Variants in PAK3 observed in about 807,000 individuals in gnomAD.
The protein encoded by PAK3 is serine/threonine-protein kinase PAK 3.
PAK3 carries 4 observed loss-of-function variants against 41.0 expected under a neutral mutation model. That is an observed-to-expected ratio of 0.10 (90% CI 0.05 to 0.22). PAK3 has a LOEUF of 0.22. PAK3 is among the 10% of genes least tolerant of loss of function. The pLI, the probability that PAK3 is intolerant of heterozygous loss-of-function variation, is 1.00. For missense variants in PAK3, 205 were observed against 409.9 expected (o/e 0.50, Z 4.32); for synonymous variants, 146 against 139.6 (o/e 1.05, Z -0.32).
At chrX:111,123,303 G>A (rs777520025) in intron 5 of PAK3, 25 bp downstream of exon 5, 223 of 1,125,649 alleles carry the variant, frequency 2.0e-4, no homozygotes, top group Non-Finnish European at 2.4e-4. Flanking sequence ...GCCGGGCATT[G>A]AAAATGGGCT....
chrX:111,035,692 A>G (rs1255979545), intron 1 of PAK3, among the ~76,000 whole-genome samples: 4 of 112,476 alleles, frequency 3.6e-5, no homozygotes, highest in Non-Finnish European at 5.6e-5. Flanking sequence ...CCTCTCATTT[A>G]TTATTCTTAA....
chrX:111,146,690 C>T, intron 6 of PAK3: 1 of 399,344 alleles, frequency 2.5e-6, no homozygotes, highest in Non-Finnish European at 4.3e-6. Context: ...TTTTTGTTGT[C>T]ATTCCCAAAC....
intron 1 of PAK3, among the ~76,000 whole-genome samples, chrX:110,953,951 C>T (rs1230436303): frequency 8.9e-6 from 1 of 112,109 alleles, no homozygotes; most frequent in African/African-American, 3.2e-5. Flanking sequence ...CCAAGCTTTC[C>T]TTTGAATCCT....
At chrX:111,028,583 C>G (rs184785704) in intron 1 of PAK3, among the ~76,000 whole-genome samples, 1 of 111,064 alleles carries the variant, frequency 9.0e-6, no homozygotes, top group Non-Finnish European at 1.9e-5. Flanking sequence ...AAAATTGAAG[C>G]CTGTTTTGTG....
rs763217406 is a variant in PAK3 at position 110,966,624 on chromosome X, T to C, written c.-28+21996T>C. On this transcript the variant is annotated intron_variant, in intron 1 of 14. Coordinates refer to the PAK3 transcript ENST00000425146. The stretch of plus-strand genomic sequence containing the variant: ...GACTGCAGTTTTAGAAGAATGTTTA[T>C]TGAAAAGGGAATATGTCCATAATAT... 5.4e-5 allele frequency among the ~76,000 whole-genome samples: 6 copies of C among 111,286 alleles called. No individual in the cohort carries two copies. The South Asian group carries it at 1.1e-3, about 21-fold the overall frequency.
intron 13 of PAK3, 56 bp from the exon 14 acceptor site, chrX:111,194,245 A>C: frequency 1.5e-6 from 1 of 688,928 alleles, no homozygotes; most frequent in Non-Finnish European, 2.4e-6. Context: ...TGGGAATATC[A>C]GAGTCCCCAG....
intron 1 of PAK3, among the ~76,000 whole-genome samples, chrX:110,975,655 A>G (rs961765335): frequency 8.9e-6 from 1 of 111,934 alleles, no homozygotes; most frequent in African/African-American, 3.3e-5. Context: ...TTGCCAACAC[A>G]ATTCTAGGCA....
At chrX:110,974,220 G>A (rs900132379) in intron 1 of PAK3, among the ~76,000 whole-genome samples, 3 of 110,993 alleles carry the variant, frequency 2.7e-5, no homozygotes, top group African/African-American at 9.8e-5. Flanking sequence ...AGACCTAATA[G>A]ACATCTACAG....
At chrX:111,147,301 C>T (rs910112445) in intron 6 of PAK3, among the ~76,000 whole-genome samples, 29 of 111,629 alleles carry the variant, frequency 2.6e-4, no homozygotes, top group African/African-American at 9.4e-4. Context: ...CTGATTACAA[C>T]ATGACCAGAA....
chrX:111,194,505 A>G (rs2094592701), intron 14 of PAK3, 87 bp downstream of exon 14: 1 of 606,668 alleles, frequency 1.6e-6, no homozygotes, highest in African/African-American at 2.2e-5. Flanking sequence ...TGTATCATCA[A>G]AGTAACAATA....
At chrX:110,977,934 G>A (rs2091369649) in intron 1 of PAK3, among the ~76,000 whole-genome samples, 1 of 111,880 alleles carries the variant, frequency 8.9e-6, no homozygotes, top group African/African-American at 3.2e-5. Flanking sequence ...CCAATACAAT[G>A]TTGACTAGAA....
intron 1 of PAK3, among the ~76,000 whole-genome samples, chrX:111,040,755 C>A (rs1003049123): frequency 1.8e-5 from 2 of 112,351 alleles, no homozygotes; most frequent in African/African-American, 3.2e-5. Context: ...CAACTCTCAG[C>A]CCTCTTGTGT....
At chrX:111,116,751 T>A in intron 4 of PAK3, among the ~76,000 whole-genome samples, 1 of 112,269 alleles carries the variant, frequency 8.9e-6, no homozygotes, top group African/African-American at 3.2e-5. Flanking sequence ...CCTCATTTGC[T>A]TGTTTGTATG....
At chrX:110,964,783 G>T (rs1240787738) in intron 1 of PAK3, among the ~76,000 whole-genome samples, 2 of 112,226 alleles carry the variant, frequency 1.8e-5, no homozygotes, top group African/African-American at 6.5e-5. Flanking sequence ...CCACAATGAG[G>T]GTGGCCCATT....
intron 1 of PAK3, among the ~76,000 whole-genome samples, chrX:111,081,214 C>T (rs2092832120): frequency 9.0e-6 from 1 of 111,325 alleles, no homozygotes; most frequent in Non-Finnish European, 1.9e-5. Flanking sequence ...AATTGCTGGC[C>T]AGGTACGGTG....
intron 1 of PAK3, among the ~76,000 whole-genome samples, chrX:110,987,903 C>T (rs189331620): frequency 2.4e-3 from 267 of 111,610 alleles, no homozygotes; most frequent in Non-Finnish European, 2.0e-3. Context: ...TCATTAATCT[C>T]CCCGGGTATG....
intron 1 of PAK3, 113 bp downstream of exon 1, chrX:111,096,528 C>T (rs2148867776): frequency 9.0e-6 from 1 of 111,288 alleles, no homozygotes; most frequent in Non-Finnish European, 1.9e-5. Flanking sequence ...CCCTCCTGTC[C>T]TGTTTGTGCC....
At chrX:111,077,560 A>T (rs1476469103) in intron 1 of PAK3, among the ~76,000 whole-genome samples, 1 of 112,160 alleles carries the variant, frequency 8.9e-6, no homozygotes. Flanking sequence ...CAATGGGGAA[A>T]GAACAGTCTC....
At chrX:111,201,416 A>G (rs1179510912) in intron 16 of PAK3, among the ~76,000 whole-genome samples, 1 of 111,849 alleles carries the variant, frequency 8.9e-6, no homozygotes, top group African/African-American at 3.2e-5. Flanking sequence ...TGCCCAGGCC[A>G]TATGTGGGGA....
Sources: allele counts gnomAD v4.1 joint callset (sites outside exome capture counted in the v4.1 genomes callset), GRCh38; gene constraint gnomAD v4.1.1; transcripts MANE v1.5; gene names NCBI Gene and HGNC (gene_info 2026-07-23, HGNC 2026-07-21).